Variants in SCFD2 observed in about 807,000 individuals in gnomAD.
The protein encoded by SCFD2 is sec1 family domain-containing protein 2.
SCFD2 carries 54 observed loss-of-function variants against 58.9 expected under a neutral mutation model. The observed-to-expected ratio is 0.92, with a 90% CI of 0.74 to 1.15. SCFD2 has a LOEUF of 1.15. Ranked by LOEUF, SCFD2 falls within the 50% of genes most tolerant of loss-of-function variation. SCFD2 has a pLI of 0.00. For missense variants in SCFD2, 805 were observed against 836.6 expected (o/e 0.96, Z 0.47); for synonymous variants, 321 against 335.9 (o/e 0.96, Z 0.49).
At chr4:53,109,450 T>C (rs1214557424) in intron 5 of SCFD2, among the ~76,000 whole-genome samples, 3 of 152,210 alleles carry the variant, frequency 2.0e-5, no homozygotes, top group African/African-American at 7.2e-5. Context: ...GATGACATGA[T>C]TGTATATTTA....
intron 4 of SCFD2, among the ~76,000 whole-genome samples, chr4:53,217,470 C>A (rs1212374513): frequency 6.6e-6 from 1 of 152,130 alleles, no homozygotes; most frequent in African/African-American, 2.4e-5. Context: ...GCAACCCCTG[C>A]CTTTTTTTGT....
intron 4 of SCFD2, among the ~76,000 whole-genome samples, chr4:53,245,787 C>A (rs1467288051): frequency 1.3e-5 from 2 of 152,034 alleles, no homozygotes; most frequent in East Asian, 1.9e-4. Flanking sequence ...TTGAAAACTG[C>A]CACAAGACAA....
intron 2 of SCFD2, among the ~76,000 whole-genome samples, chr4:53,330,167 C>G (rs1277202439): frequency 6.6e-6 from 1 of 152,178 alleles, no homozygotes; most frequent in African/African-American, 2.4e-5. Context: ...TTGGAAAACA[C>G]GCTGCAGGAT....
chr4:52,919,848 G>T (rs1338355580), intron 6 of SCFD2, among the ~76,000 whole-genome samples: 1 of 152,170 alleles, frequency 6.6e-6, no homozygotes, highest in Non-Finnish European at 1.5e-5. Context: ...CCCTTAAAGA[G>T]TCAGCACCCT....
intron 3 of SCFD2, among the ~76,000 whole-genome samples, chr4:53,300,897 C>T (rs183080348): frequency 1.3e-5 from 2 of 152,258 alleles, no homozygotes; most frequent in Admixed American, 1.3e-4. Context: ...TTCTTTGAAA[C>T]CAACGACAAC....
chr4:53,070,111 C>CTTATATAGCTACAAAT (rs1723775525), intron 5 of SCFD2, among the ~76,000 whole-genome samples: 1 of 151,978 alleles, frequency 6.6e-6, no homozygotes, highest in Non-Finnish European at 1.5e-5. Flanking sequence ...AAACCAACCA[C>CTTATATAGCTACAAAT]TTATAGCTAC....
chr4:53,072,426 C>CA (rs56985127), intron 5 of SCFD2, among the ~76,000 whole-genome samples: 49 of 152,156 alleles, frequency 3.2e-4, no homozygotes, highest in African/African-American at 1.1e-3. Context: ...TGAAGGTTAG[C>CA]AGCTGTGCCA....
intron 2 of SCFD2, among the ~76,000 whole-genome samples, chr4:53,332,263 C>T (rs1227596996): frequency 1.3e-5 from 2 of 151,568 alleles, no homozygotes; most frequent in Non-Finnish European, 2.9e-5. Context: ...CAGCATCATT[C>T]TGATACCAAA....
intron 5 of SCFD2, among the ~76,000 whole-genome samples, chr4:53,040,315 A>G (rs1383460679): frequency 6.6e-6 from 1 of 152,150 alleles, no homozygotes; most frequent in Admixed American, 6.6e-5. Context: ...TCAAATGTCA[A>G]TTTTCTAAAA....
chr4:53,358,899 G>A (rs951241211), intron 1 of SCFD2, among the ~76,000 whole-genome samples: 1 of 152,180 alleles, frequency 6.6e-6, no homozygotes, highest in Non-Finnish European at 1.5e-5. Flanking sequence ...AAGCCAGAAT[G>A]AAAGAGATGG....
chr4:53,091,927 T>G (rs1724481765), intron 5 of SCFD2, among the ~76,000 whole-genome samples: 1 of 152,172 alleles, frequency 6.6e-6, no homozygotes. Context: ...TCAAAACTCT[T>G]AAAAGATTCA....
intron 2 of SCFD2, among the ~76,000 whole-genome samples, chr4:53,323,386 T>C (rs1733082107): frequency 6.6e-6 from 1 of 152,016 alleles, no homozygotes; most frequent in Non-Finnish European, 1.5e-5. Context: ...TTGTTGTTGT[T>C]TTTTTGGGAC....
At chr4:53,138,112 A>T (rs1314296880) in intron 5 of SCFD2, among the ~76,000 whole-genome samples, 4 of 152,210 alleles carry the variant, frequency 2.6e-5, no homozygotes, top group Non-Finnish European at 5.9e-5. Context: ...TATCAAAATC[A>T]TAATGGTGGT....
intron 5 of SCFD2, among the ~76,000 whole-genome samples, chr4:52,946,795 G>T (rs963290285): frequency 1.3e-5 from 2 of 152,142 alleles, no homozygotes; most frequent in African/African-American, 4.8e-5. Flanking sequence ...AGGACTCAGG[G>T]ATTGTTTTTC....
chr4:53,160,677 G>A (rs1361569621), intron 4 of SCFD2, among the ~76,000 whole-genome samples: 1 of 152,150 alleles, frequency 6.6e-6, no homozygotes, highest in Non-Finnish European at 1.5e-5. Flanking sequence ...CTGGAGTGAG[G>A]AGCAAAATAA....
At chr4:53,262,659 T>C (rs1172210854) in intron 4 of SCFD2, among the ~76,000 whole-genome samples, 1 of 152,232 alleles carries the variant, frequency 6.6e-6, no homozygotes, top group Non-Finnish European at 1.5e-5. Context: ...CATTACCTGA[T>C]GCTTTTGCTT....
At chr4:53,249,389 A>G (rs1730258456) in intron 4 of SCFD2, among the ~76,000 whole-genome samples, 1 of 152,238 alleles carries the variant, frequency 6.6e-6, no homozygotes, top group African/African-American at 2.4e-5. Context: ...GCTGCAGGAT[A>G]TTATCCAGGA....
At position 53,365,222 on chromosome 4, in the gene SCFD2, A is replaced by G. The variant is rs375889801; in HGVS notation, c.720T>C (p.Gly240=). Residue 240 remains glycine (G), a synonymous_variant, in exon 1 of 9, where the codon GGT becomes GGC. Transcript: ENST00000401642. The surrounding 1 kb of genome is among the most constrained non-coding windows in gnomAD (Gnocchi z 4.3). ...CCGCAGCGATGACCTGACTTAAGGA[A>G]CCTACAGCAAAACACTCCTCCCGTA... ...LGVREECFAV[G]SLSQVIAADL... 227 of 1,614,014 alleles carry G rather than the reference A, an allele frequency of 1.4e-4. 1 individual carries two copies. The highest frequency in any genetic ancestry group is 3.3e-4 in the Admixed American group (20 of 59,990).
intron 5 of SCFD2, among the ~76,000 whole-genome samples, chr4:53,122,204 C>G (rs1221736047): frequency 6.6e-6 from 1 of 152,056 alleles, no homozygotes; most frequent in African/African-American, 2.4e-5. Flanking sequence ...AGGAGAAACC[C>G]CATCTCCACT....
Sources: gnomAD v4.1 joint callset for allele counts (sites outside exome capture counted in the v4.1 genomes callset) on GRCh38, gnomAD v4.1.1 for gene constraint, Gnocchi (gnomAD v3.1) non-coding constraint, MANE v1.5 for transcripts, NCBI Gene and HGNC (gene_info 2026-07-23, HGNC 2026-07-21) for gene names.